The following SCHIP1 variants were observed in gnomAD, a reference collection of about 807,000 sequenced individuals.
The protein encoded by SCHIP1 is schwannomin interacting protein 1, also known as schwannomin-interacting protein 1.
In SCHIP1, 8 loss-of-function variants were observed where a neutral mutation model predicts 29.7. That is an observed-to-expected ratio of 0.27 (90% confidence interval 0.16 to 0.49). SCHIP1 has a LOEUF of 0.49. Ranked by LOEUF, SCHIP1 falls within the 20% of genes least tolerant of loss-of-function variation. The pLI, the probability that SCHIP1 is intolerant of heterozygous loss-of-function variation, is 0.99. For missense variants in SCHIP1, 193 were observed against 294.6 expected, an observed-to-expected ratio of 0.66 and a Z score of 2.52; for synonymous variants, 76 against 94.9, an observed-to-expected ratio of 0.80 and a Z score of 1.16.
chr3:159,463,927 T>C, the SCHIP1 span, among the ~76,000 whole-genome samples: 1 of 152,166 alleles, frequency 6.6e-6, no homozygotes, highest in African/African-American at 2.4e-5. Flanking sequence ...CATAATAATC[T>C]ATTGTATGGA....
At chr3:159,807,759 G>C in the SCHIP1 span, among the ~76,000 whole-genome samples, 1 of 152,176 alleles carries the variant, frequency 6.6e-6, no homozygotes, top group South Asian at 2.1e-4. Flanking sequence ...TGGTGCATGA[G>C]ACAGGGCTGT....
the SCHIP1 span, among the ~76,000 whole-genome samples, chr3:159,424,330 C>T: frequency 6.6e-6 from 1 of 152,056 alleles, no homozygotes; most frequent in South Asian, 2.1e-4. Context: ...ATAACCAATA[C>T]AGAGAAGTGC....
At chr3:159,773,239 C>A in the SCHIP1 span, among the ~76,000 whole-genome samples, 2 of 152,126 alleles carry the variant, frequency 1.3e-5, no homozygotes, top group African/African-American at 4.8e-5. Flanking sequence ...CACAGGGAGA[C>A]TATTTTGCAC....
the SCHIP1 span, among the ~76,000 whole-genome samples, chr3:159,771,812 G>C: frequency 6.6e-6 from 1 of 151,932 alleles, no homozygotes; most frequent in Admixed American, 6.5e-5. Flanking sequence ...GTTATTATTG[G>C]ATGGAGCATT....
At chr3:159,659,164 C>T in the SCHIP1 span, among the ~76,000 whole-genome samples, 739 of 152,336 alleles carry the variant, frequency 4.9e-3, 2 homozygotes, top group Non-Finnish European at 7.9e-3. Flanking sequence ...ATCAGACTCA[C>T]ATTCATCTGT....
the SCHIP1 span, among the ~76,000 whole-genome samples, chr3:159,278,983 T>G: frequency 6.6e-6 from 1 of 151,948 alleles, no homozygotes; most frequent in African/African-American, 2.4e-5. Context: ...TCTAGCAAAA[T>G]AGAAAGGAAA....
chr3:159,864,470 TACACACACACACACACAC>T (rs58371525), intron 1 of SCHIP1, among the ~76,000 whole-genome samples: 13 of 139,932 alleles, frequency 9.3e-5, no homozygotes, highest in East Asian at 2.1e-4. Context: ...ATGGCTGTAC[TACACACACACACACACAC>T]ACACACACAC....
the SCHIP1 span, among the ~76,000 whole-genome samples, chr3:159,320,785 T>C: frequency 6.6e-6 from 1 of 151,986 alleles, no homozygotes; most frequent in Non-Finnish European, 1.5e-5. Flanking sequence ...AGATGCACTT[T>C]CAATAACAGC....
At chr3:159,888,943 A>G in exon 5 of SCHIP1, 1 of 1,613,858 alleles carries the variant, frequency 6.2e-7, no homozygotes, top group Non-Finnish European at 8.5e-7. Flanking sequence ...CCAGATAGAA[A>G]GTAAGTGTAA....
chr3:159,570,413 A>C, the SCHIP1 span, among the ~76,000 whole-genome samples: 1 of 152,124 alleles, frequency 6.6e-6, no homozygotes, highest in Admixed American at 6.5e-5. Flanking sequence ...TCCTTTCCCC[A>C]TTGCTTGTTT....
chr3:159,498,196 C>T, the SCHIP1 span, among the ~76,000 whole-genome samples: 1 of 152,170 alleles, frequency 6.6e-6, no homozygotes, highest in Non-Finnish European at 1.5e-5. Context: ...GCCAACAGCT[C>T]TATTTCGTTA....
the SCHIP1 span, among the ~76,000 whole-genome samples, chr3:159,494,207 G>A: frequency 6.6e-6 from 1 of 151,996 alleles, no homozygotes; most frequent in Non-Finnish European, 1.5e-5. Context: ...AGAAGCAAGA[G>A]CAAACACATT....
At chr3:159,776,755 C>T in the SCHIP1 span, among the ~76,000 whole-genome samples, 11 of 152,142 alleles carry the variant, frequency 7.2e-5, no homozygotes, top group Non-Finnish European at 1.3e-4. Context: ...TGTACTAACA[C>T]GTGACTAAAA....
At chr3:159,886,962 A>G (rs964513399) in intron 3 of SCHIP1, 1 of 153,652 alleles carries the variant, frequency 6.5e-6, no homozygotes, top group South Asian at 2.0e-4. Context: ...TCACTATCAC[A>G]AGAACAGTAC....
At chr3:159,680,040 A>T in the SCHIP1 span, among the ~76,000 whole-genome samples, 1 of 142,698 alleles carries the variant, frequency 7.0e-6, no homozygotes, top group Admixed American at 7.0e-5. Flanking sequence ...TTATCTCGGT[A>T]CTTCCCACCG....
exon 5 of SCHIP1, chr3:159,888,914 T>C (rs1483217704): frequency 6.2e-7 from 1 of 1,614,134 alleles, no homozygotes; most frequent in Non-Finnish European, 8.5e-7. Flanking sequence ...CTACAAGTGA[T>C]AGTCAATGAT....
chr3:159,603,348 ATGAT>A, the SCHIP1 span, among the ~76,000 whole-genome samples: 1 of 152,166 alleles, frequency 6.6e-6, no homozygotes, highest in Non-Finnish European at 1.5e-5. Flanking sequence ...TTACATAGAC[ATGAT>A]TGATTAAATC....
At chr3:159,601,455 C>A in the SCHIP1 span, among the ~76,000 whole-genome samples, 1 of 152,196 alleles carries the variant, frequency 6.6e-6, no homozygotes, top group Non-Finnish European at 1.5e-5. Flanking sequence ...GTAGTTGTTA[C>A]TCACCACCTC....
chr3:159,833,378 A>C, the SCHIP1 span, among the ~76,000 whole-genome samples: 1 of 152,308 alleles, frequency 6.6e-6, no homozygotes, highest in South Asian at 2.1e-4. Flanking sequence ...CATTGGACCA[A>C]GCCTTTCTCA....
Sources: gnomAD v4.1 joint callset for allele counts (sites outside exome capture counted in the v4.1 genomes callset) on GRCh38, gnomAD v4.1.1 for gene constraint, MANE v1.5 for transcripts, NCBI Gene and HGNC (gene_info 2026-07-23, HGNC 2026-07-21) for gene names.